Variants in NRG3 observed in about 807,000 individuals in gnomAD.
NRG3 encodes neuregulin 3, also known as pro-neuregulin-3, membrane-bound isoform.
In NRG3, 31 loss-of-function variants were observed where a neutral mutation model predicts 66.9. That is an observed-to-expected ratio of 0.46 (90% confidence interval 0.35 to 0.63). The LOEUF is 0.63. NRG3 is among the 20% of genes least tolerant of loss of function. The pLI, the probability that NRG3 is intolerant of heterozygous loss-of-function variation, is 0.00. For synonymous variants in NRG3, 393 were observed against 359.4 expected, an observed-to-expected ratio of 1.09 and a Z score of -1.06; for missense variants, 910 against 878.9, an observed-to-expected ratio of 1.04 and a Z score of -0.45.
intron 2 of NRG3, among the ~76,000 whole-genome samples, chr10:82,717,090 C>T (rs2057016841): frequency 6.6e-6 from 1 of 151,850 alleles, no homozygotes; most frequent in Admixed American, 6.6e-5. Flanking sequence ...ACCACTTATT[C>T]CCAAAGACAC....
intron 1 of NRG3, among the ~76,000 whole-genome samples, chr10:82,283,900 G>A (rs2079260734): frequency 6.6e-6 from 1 of 152,162 alleles, no homozygotes; most frequent in Non-Finnish European, 1.5e-5. Flanking sequence ...TCTTGAATGA[G>A]TGCATAAATG....
chr10:82,718,880 G>A (rs1234212340), intron 2 of NRG3, among the ~76,000 whole-genome samples: 2 of 152,172 alleles, frequency 1.3e-5, no homozygotes, highest in African/African-American at 4.8e-5. Context: ...GGTCATTAAA[G>A]TTGTAATTGT....
At chr10:82,182,589 A>G (rs1316757027) in intron 1 of NRG3, among the ~76,000 whole-genome samples, 1 of 151,878 alleles carries the variant, frequency 6.6e-6, no homozygotes, top group Non-Finnish European at 1.5e-5. Flanking sequence ...TGTGTATCAA[A>G]TAGTATATTT....
Position 82,026,592 on chromosome 10 carries a change from A to G in NRG3, c.823+150429A>G, listed in dbSNP as rs370716909. On this transcript the variant is annotated intron_variant, in intron 1 of 8. Coordinates refer to ENST00000372141, the MANE Select transcript of NRG3 (RefSeq NM_001010848.4). ...GTAATGTATTTTTATGCTCCAATTT[A>G]TATATTACCTATAATTTCTGATTTC... Among the ~76,000 whole-genome samples, 12 of 151,850 alleles carry G rather than the reference A, an allele frequency of 7.9e-5. No individual in the cohort carries two copies. In the East Asian group the frequency reaches 1.6e-3, roughly 20 times the overall value.
At chr10:82,704,921 A>G (rs1392823556) in intron 2 of NRG3, among the ~76,000 whole-genome samples, 3 of 152,232 alleles carry the variant, frequency 2.0e-5, no homozygotes, top group African/African-American at 7.2e-5. Context: ...TATTACATCA[A>G]GAAGGCAGGT....
intron 5 of NRG3, among the ~76,000 whole-genome samples, chr10:82,955,709 G>A (rs552706296): frequency 3.9e-4 from 59 of 151,958 alleles, no homozygotes; most frequent in South Asian, 1.9e-3. Flanking sequence ...ACCCCTTGAA[G>A]TAAGAGATTT....
intron 1 of NRG3, among the ~76,000 whole-genome samples, chr10:82,166,552 C>A (rs2072074057): frequency 6.6e-6 from 1 of 151,676 alleles, no homozygotes; most frequent in Non-Finnish European, 1.5e-5. Flanking sequence ...CACTTTTGCC[C>A]ATATTATAAA....
At chr10:82,756,740 G>T (rs572432377) in intron 3 of NRG3, among the ~76,000 whole-genome samples, 25 of 151,702 alleles carry the variant, frequency 1.6e-4, no homozygotes, top group Non-Finnish European at 3.1e-4. Context: ...GAAACAAACT[G>T]GACCTTGTTG....
At chr10:81,938,627 G>GTGTGTA (rs1848116562) in intron 1 of NRG3, among the ~76,000 whole-genome samples, 1 of 150,884 alleles carries the variant, frequency 6.6e-6, no homozygotes, top group Admixed American at 6.6e-5. Context: ...CAGTGTGTGT[G>GTGTGTA]TGTGTGTGTG....
intron 2 of NRG3, among the ~76,000 whole-genome samples, chr10:82,548,751 A>G (rs1471088851): frequency 1.3e-5 from 2 of 150,298 alleles, no homozygotes; most frequent in Admixed American, 1.3e-4. Flanking sequence ...CAGCAGTAAA[A>G]CATAAATAAA....
At chr10:82,705,896 G>A (rs2484453) in intron 2 of NRG3, among the ~76,000 whole-genome samples, 134,561 of 152,230 alleles carry the variant, frequency 0.88, 59,762 homozygotes, top group East Asian at 1. Flanking sequence ...TACAATATAT[G>A]AAAACACTTA....
intron 1 of NRG3, among the ~76,000 whole-genome samples, chr10:82,187,528 G>A (rs2073877422): frequency 6.6e-6 from 1 of 152,146 alleles, no homozygotes; most frequent in Non-Finnish European, 1.5e-5. Context: ...CTTTGAGGGA[G>A]TATAAATTTA....
intron 2 of NRG3, among the ~76,000 whole-genome samples, chr10:82,398,251 A>T (rs773165684): frequency 1.3e-5 from 2 of 152,074 alleles, no homozygotes; most frequent in Non-Finnish European, 2.9e-5. Context: ...ACCAAATAGG[A>T]GCTAACAGGT....
intron 1 of NRG3, among the ~76,000 whole-genome samples, chr10:82,079,935 A>T (rs2065296436): frequency 6.6e-6 from 1 of 152,190 alleles, no homozygotes; most frequent in Non-Finnish European, 1.5e-5. Flanking sequence ...TTATGAATCA[A>T]GCTGCTATAA....
Position 81,875,892 on chromosome 10 carries a change from A to G in NRG3, c.552A>G (p.Ala184=), listed in dbSNP as rs562393318. 4 of 1,612,070 alleles carry G rather than the reference A, an allele frequency of 2.5e-6. No individual in the cohort carries two copies. The highest frequency in any genetic ancestry group is 3.4e-6 in the Non-Finnish European group (4 of 1,179,900). Residue 184 remains alanine (A), a synonymous_variant, in exon 1 of 9, where the codon GCA becomes GCG. Coordinates refer to ENST00000372141, the MANE Select transcript of NRG3 (RefSeq NM_001010848.4). The surrounding 1 kb of genome is among the most constrained non-coding windows in gnomAD (Gnocchi z 5.3). ...GGGCCAGCCCGCGCTCCACCACAGC[A>G]CGGAACACTGCGGCCCCTGCGACGG... ...PIRASPRSTT[A]RNTAAPATVP...
intron 3 of NRG3, among the ~76,000 whole-genome samples, chr10:82,799,345 G>A (rs935258871): frequency 6.6e-6 from 1 of 151,992 alleles, no homozygotes; most frequent in Non-Finnish European, 1.5e-5. Context: ...GGCCAATGCG[G>A]TGAAACCCCA....
chr10:82,448,948 C>G (rs2090884237), intron 2 of NRG3, among the ~76,000 whole-genome samples: 1 of 152,166 alleles, frequency 6.6e-6, no homozygotes, highest in South Asian at 2.1e-4. Context: ...CAAGTCTTAG[C>G]TCTGCAATTT....
At chr10:81,972,293 G>A (rs1327326031) in intron 1 of NRG3, among the ~76,000 whole-genome samples, 1 of 152,144 alleles carries the variant, frequency 6.6e-6, no homozygotes, top group Non-Finnish European at 1.5e-5. Context: ...ACAATGCCTA[G>A]CACCCAATCA....
chr10:81,904,158 C>T (rs1242218176), intron 1 of NRG3, among the ~76,000 whole-genome samples: 2 of 151,746 alleles, frequency 1.3e-5, no homozygotes, highest in Admixed American at 6.6e-5. Context: ...TACAGGCATG[C>T]AACACCATGC....
Sources: allele counts gnomAD v4.1 joint callset (sites outside exome capture counted in the v4.1 genomes callset), GRCh38; gene constraint gnomAD v4.1.1; non-coding constraint Gnocchi (gnomAD v3.1); transcripts MANE v1.5; gene names NCBI Gene and HGNC (gene_info 2026-07-23, HGNC 2026-07-21).